The following ANOS1 variants were observed in gnomAD, a reference collection of about 807,000 sequenced individuals.
ANOS1 encodes the protein anosmin-1.
A neutral mutation model predicts 59.0 loss-of-function variants in ANOS1; 6 were observed. The observed-to-expected ratio is 0.10, with a 90% CI of 0.06 to 0.20. The LOEUF (loss-of-function observed/expected upper bound fraction) is 0.20, where lower values mean the gene tolerates loss of function less well. Ranked by LOEUF, ANOS1 falls within the 10% of genes least tolerant of loss-of-function variation. The pLI is 1.00. For missense variants in ANOS1, 433 were observed against 542.3 expected (o/e 0.80, Z 2.00); for synonymous variants, 217 against 223.4 (o/e 0.97, Z 0.25).
intron 9 of ANOS1, among the ~76,000 whole-genome samples, chrX:8,544,026 TA>T (rs1006361704): frequency 2.7e-5 from 3 of 110,269 alleles, no homozygotes; most frequent in Non-Finnish European, 3.8e-5. Context: ...TTTTAAGTGA[TA>T]AAAAATTTAC....
At chrX:8,576,467 TACACACACAC>T (rs772802620) in intron 6 of ANOS1, among the ~76,000 whole-genome samples, 23 of 100,058 alleles carry the variant, frequency 2.3e-4, no homozygotes, top group African/African-American at 7.8e-4. Flanking sequence ...TATATATATA[TACACACACAC>T]ACACACACAC....
At chrX:8,623,577 A>G (rs1417313444) in intron 3 of ANOS1, 31 bp downstream of exon 3, 2 of 1,111,778 alleles carry the variant, frequency 1.8e-6, no homozygotes, top group East Asian at 6.0e-5. Context: ...ATTTGGGTCA[A>G]GTGTTTTAAG....
chrX:8,547,878 G>A (rs969673794), intron 9 of ANOS1, among the ~76,000 whole-genome samples: 3 of 110,941 alleles, frequency 2.7e-5, no homozygotes, highest in Non-Finnish European at 3.8e-5. Flanking sequence ...CCCCATGCCC[G>A]GCTAATTTTT....
intron 2 of ANOS1, among the ~76,000 whole-genome samples, chrX:8,629,887 G>T (rs1345327449): frequency 8.9e-6 from 1 of 112,451 alleles, no homozygotes; most frequent in African/African-American, 3.2e-5. Context: ...TATGCTAAAT[G>T]AATAGAACCC....
intron 3 of ANOS1, among the ~76,000 whole-genome samples, chrX:8,603,346 T>C (rs1363812001): frequency 8.9e-6 from 1 of 111,994 alleles, no homozygotes; most frequent in East Asian, 2.8e-4. Flanking sequence ...ATATGCAGTA[T>C]TAATGAATTC....
chrX:8,536,586 G>T (rs1379363259), intron 11 of ANOS1, among the ~76,000 whole-genome samples, 185 bp downstream of exon 11: 1 of 111,969 alleles, frequency 8.9e-6, no homozygotes, highest in Non-Finnish European at 1.9e-5. Flanking sequence ...TTCCAAGCCT[G>T]TTAGGCTTTA....
intron 1 of ANOS1, among the ~76,000 whole-genome samples, chrX:8,703,199 TGTCTGTA>T (rs1260245341): frequency 1.8e-5 from 2 of 112,288 alleles, no homozygotes; most frequent in African/African-American, 6.5e-5. Flanking sequence ...CCTCTTTACC[TGTCTGTA>T]AGACATTAGC....
chrX:8,618,996 C>A (rs1931225409), intron 3 of ANOS1, among the ~76,000 whole-genome samples: 1 of 99,665 alleles, frequency 1.0e-5, no homozygotes, highest in South Asian at 5.0e-4. Context: ...TCGCTCAAAC[C>A]CGGGAGGCAG....
intron 8 of ANOS1, among the ~76,000 whole-genome samples, chrX:8,567,826 C>A (rs891344822): frequency 9.0e-6 from 1 of 110,676 alleles, no homozygotes; most frequent in Non-Finnish European, 1.9e-5. Context: ...CAAAACAAAA[C>A]AACAACAACA....
At chrX:8,558,374 TTAAC>T (rs1268008620) in intron 8 of ANOS1, among the ~76,000 whole-genome samples, 2 of 110,952 alleles carry the variant, frequency 1.8e-5, no homozygotes, top group East Asian at 5.6e-4. Flanking sequence ...TTTAGTCATA[TTAAC>T]TGTCTGTTTT....
intron 8 of ANOS1, among the ~76,000 whole-genome samples, chrX:8,564,203 G>A (rs1930074883): frequency 8.9e-6 from 1 of 112,026 alleles, no homozygotes; most frequent in African/African-American, 3.2e-5. Flanking sequence ...ATGTAACAAT[G>A]GGGAAAGTGT....
At chrX:8,642,578 G>A (rs1274905757) in intron 2 of ANOS1, among the ~76,000 whole-genome samples, 1 of 111,374 alleles carries the variant, frequency 9.0e-6, no homozygotes, top group African/African-American at 3.3e-5. Flanking sequence ...GTATATATAT[G>A]TAATTTATAT....
At chrX:8,689,929 T>C (rs1360970040) in intron 2 of ANOS1, among the ~76,000 whole-genome samples, 3 of 111,789 alleles carry the variant, frequency 2.7e-5, no homozygotes, top group African/African-American at 9.8e-5. Flanking sequence ...CATGCTAATA[T>C]AATATTGTAC....
chrX:8,681,834 T>C (rs909202889), intron 2 of ANOS1, among the ~76,000 whole-genome samples: 1 of 111,995 alleles, frequency 8.9e-6, no homozygotes, highest in Non-Finnish European at 1.9e-5. Context: ...CCTAACCAAA[T>C]GTAAGATATT....
intron 9 of ANOS1, among the ~76,000 whole-genome samples, chrX:8,541,446 C>CA (rs770726780): frequency 0.015 from 1,385 of 91,198 alleles, 38 homozygotes; most frequent in African/African-American, 0.052. Context: ...AAAAATAAAA[C>CA]AAAAAAAAAA....
At position 8,605,234 on chromosome X, in the gene ANOS1, A is replaced by G. The variant is rs1422288508; in HGVS notation, c.319-7978T>C. ...GCATTGCCCCCTCCCTAACCTGGCC[A>G]AAGGGTCTGATTCCAAATTTCTGAA... On this transcript the variant is annotated intron_variant, in intron 3 of 13. Coordinates refer to ENST00000262648, the MANE Select transcript of ANOS1 (RefSeq NM_000216.4). Among the ~76,000 whole-genome samples, 36 of 110,084 alleles carry G rather than the reference A, an allele frequency of 3.3e-4. 1 individual carries two copies. The Admixed American group carries it at 3.5e-3, about 11-fold the overall frequency.
At chrX:8,700,411 G>C (rs1461281816) in intron 1 of ANOS1, among the ~76,000 whole-genome samples, 1 of 111,079 alleles carries the variant, frequency 9.0e-6, no homozygotes, top group African/African-American at 3.3e-5. Flanking sequence ...ATCAGATCTT[G>C]TGAGAACTCA....
chrX:8,615,231 C>T (rs4240140), intron 3 of ANOS1, among the ~76,000 whole-genome samples: 41,838 of 110,338 alleles, frequency 0.38, 5,736 homozygotes, highest in South Asian at 0.43. Context: ...TATTATTTAT[C>T]ATACTAAAAA....
At chrX:8,676,034 G>A (rs982691097) in intron 2 of ANOS1, among the ~76,000 whole-genome samples, 1 of 110,601 alleles carries the variant, frequency 9.0e-6, no homozygotes, top group African/African-American at 3.3e-5. Flanking sequence ...CAAAGGACAT[G>A]ATTTTTTCAT....
Sources: allele counts gnomAD v4.1 joint callset (sites outside exome capture counted in the v4.1 genomes callset), GRCh38; gene constraint gnomAD v4.1.1; transcripts MANE v1.5; gene names NCBI Gene and HGNC (gene_info 2026-07-23, HGNC 2026-07-21).